ARHGAP20: variants seen among roughly 807,000 people sequenced by gnomAD.
The protein encoded by ARHGAP20 is rho GTPase-activating protein 20.
In ARHGAP20, 34 loss-of-function variants were observed where a neutral mutation model predicts 73.7. The ratio of observed to expected loss-of-function variants is 0.46; its 90% CI spans 0.35 to 0.61. The LOEUF (loss-of-function observed/expected upper bound fraction) is 0.61, where lower values mean the gene tolerates loss of function less well. ARHGAP20 is among the 20% of genes least tolerant of loss of function. The probability of loss-of-function intolerance (pLI) is 0.00; values close to 1 mark genes in which losing one functional copy is unlikely to be tolerated. For missense variants in ARHGAP20, 1,314 were observed against 1,420.9 expected, an observed-to-expected ratio of 0.92 and a Z score of 1.21; for synonymous variants, 523 against 518.2, an observed-to-expected ratio of 1.01 and a Z score of -0.13.
At chr11:110,688,958 A>C (rs1950188553) in intron 2 of ARHGAP20, among the ~76,000 whole-genome samples, 1 of 151,690 alleles carries the variant, frequency 6.6e-6, no homozygotes, top group Non-Finnish European at 1.5e-5. Flanking sequence ...TTGGATATAT[A>C]ACTTATTTTT....
chr11:110,583,852 C>G, intron 12 of ARHGAP20, 115 bp from the exon 13 acceptor site: 3 of 826,750 alleles, frequency 3.6e-6, no homozygotes, highest in Non-Finnish European at 5.2e-6. Flanking sequence ...TTCAGATATG[C>G]AAGAGTTTCA....
At chr11:110,612,919 C>A (rs549365430) in intron 6 of ARHGAP20, among the ~76,000 whole-genome samples, 3 of 152,182 alleles carry the variant, frequency 2.0e-5, no homozygotes, top group Non-Finnish European at 4.4e-5. Flanking sequence ...TGTCTGTCTT[C>A]TACCAGAGTG....
chr11:110,630,449 A>G (rs1283292938), intron 3 of ARHGAP20, among the ~76,000 whole-genome samples, 179 bp downstream of exon 3: 1 of 151,474 alleles, frequency 6.6e-6, no homozygotes, highest in African/African-American at 2.4e-5. Flanking sequence ...CTAAATAAAC[A>G]CTTGTTGAAA....
chr11:110,623,373 G>A (rs1261854150), intron 4 of ARHGAP20, among the ~76,000 whole-genome samples: 4 of 152,308 alleles, frequency 2.6e-5, no homozygotes, highest in Admixed American at 2.0e-4. Flanking sequence ...AATCACAGGT[G>A]TGATTGTGAT....
intron 2 of ARHGAP20, among the ~76,000 whole-genome samples, chr11:110,662,045 C>T (rs1270884306): frequency 2.0e-5 from 3 of 151,884 alleles, no homozygotes; most frequent in Admixed American, 6.6e-5. Flanking sequence ...AGAAAAGTAT[C>T]TCTATGTACT....
At position 110,611,135 on chromosome 11, in the gene ARHGAP20, C is replaced by A. The variant is rs568410043; in HGVS notation, c.708+174G>T. Among the ~76,000 whole-genome samples the A allele has an allele frequency of 2.6e-5, 4 of 151,858 alleles. No individual in the cohort carries two copies. In the South Asian group the frequency reaches 8.3e-4, roughly 32 times the overall value. On this transcript the variant is annotated intron_variant, in intron 7 of 14. Transcript: ENST00000683387. ...TTTTAAAATAGGAGAACAGCAGCAC[C>A]CATATATTAATCATATTAAAGCTTT...
intron 4 of ARHGAP20, among the ~76,000 whole-genome samples, chr11:110,621,108 C>G: frequency 7.2e-6 from 1 of 138,094 alleles, no homozygotes; most frequent in East Asian, 2.2e-4. Context: ...GCTCCACTGT[C>G]TTCTAACCTC....
Position 110,581,232 on chromosome 11 carries a change from A to C in ARHGAP20, c.1721-7T>G. The C allele has an allele frequency of 6.3e-7, 1 of 1,595,898 alleles. No individual in the cohort carries two copies. Among genetic ancestry groups the C allele is most frequent in the Non-Finnish European group, 8.5e-7 (1 of 1,171,328 alleles). ...AGTTGAAAGCAAGAAATATCTGTCA[A>C]AAAAATTAAACCATGATTAACATAT... is the stretch of plus-strand genomic sequence containing the variant. On this transcript the variant is annotated splice_polypyrimidine_tract_variant and splice_region_variant and intron_variant, in intron 14 of 14. Coordinates refer to ENST00000683387, the MANE Select transcript of ARHGAP20 (RefSeq NM_001384657.1).
At chr11:110,711,057 G>T (rs1950642008) in intron 1 of ARHGAP20, among the ~76,000 whole-genome samples, 1 of 151,482 alleles carries the variant, frequency 6.6e-6, no homozygotes, top group South Asian at 2.1e-4. Flanking sequence ...GGAAGCGGGG[G>T]TGGGGAGGCG....
intron 6 of ARHGAP20, among the ~76,000 whole-genome samples, chr11:110,612,736 C>T (rs1948397939): frequency 1.3e-5 from 2 of 152,154 alleles, no homozygotes; most frequent in Admixed American, 1.3e-4. Context: ...AGAATTTCTT[C>T]TCTATGAGTG....
intron 9 of ARHGAP20, among the ~76,000 whole-genome samples, chr11:110,598,735 C>T (rs1267130275): frequency 1.3e-5 from 2 of 152,210 alleles, no homozygotes; most frequent in African/African-American, 4.8e-5. Context: ...GCCAGGGCTG[C>T]AGGATTCATG....
intron 8 of ARHGAP20, among the ~76,000 whole-genome samples, chr11:110,608,046 T>C (rs575988324): frequency 3.5e-4 from 53 of 152,340 alleles, no homozygotes; most frequent in African/African-American, 1.3e-3. Context: ...TTCTGTATTC[T>C]AAATCTGAGC....
intron 3 of ARHGAP20, among the ~76,000 whole-genome samples, chr11:110,626,454 C>G (rs1020424487): frequency 3.9e-5 from 6 of 152,176 alleles, no homozygotes; most frequent in Non-Finnish European, 8.8e-5. Context: ...TTACCATATA[C>G]CATTGTTGTA....
intron 1 of ARHGAP20, among the ~76,000 whole-genome samples, chr11:110,700,375 T>G (rs902573283): frequency 1.5e-4 from 23 of 152,070 alleles, no homozygotes; most frequent in Admixed American, 7.2e-4. Flanking sequence ...AAATAAGTAA[T>G]CAAATTAACA....
At chr11:110,630,858 A>C (rs1243488728) in intron 2 of ARHGAP20, 66 bp from the exon 3 acceptor site, 1 of 1,527,518 alleles carries the variant, frequency 6.5e-7, no homozygotes, top group East Asian at 2.3e-5. Context: ...GAACTACAAA[A>C]TTCTGTAATT....
At chr11:110,641,653 G>A (rs1690109336) in intron 2 of ARHGAP20, among the ~76,000 whole-genome samples, 1 of 151,742 alleles carries the variant, frequency 6.6e-6, no homozygotes, top group African/African-American at 2.4e-5. Flanking sequence ...CTATTACCAT[G>A]CCACCACACT....
At chr11:110,653,086 A>T (rs1416754828) in intron 2 of ARHGAP20, among the ~76,000 whole-genome samples, 1 of 152,194 alleles carries the variant, frequency 6.6e-6, no homozygotes, top group Non-Finnish European at 1.5e-5. Flanking sequence ...TAGATTAAAG[A>T]CTTAAAATGT....
chr11:110,634,295 G>C (rs1948918301), intron 2 of ARHGAP20, among the ~76,000 whole-genome samples: 1 of 152,114 alleles, frequency 6.6e-6, no homozygotes, highest in African/African-American at 2.4e-5. Flanking sequence ...TTTAGCAGCT[G>C]AACACTAGAA....
At chr11:110,632,758 G>A (rs1456757961) in intron 2 of ARHGAP20, among the ~76,000 whole-genome samples, 1 of 152,052 alleles carries the variant, frequency 6.6e-6, no homozygotes, top group East Asian at 1.9e-4. Flanking sequence ...CGTTCTTACT[G>A]GCCATTTGCA....
Sources: allele counts gnomAD v4.1 joint callset (sites outside exome capture counted in the v4.1 genomes callset), GRCh38; gene constraint gnomAD v4.1.1; transcripts MANE v1.5; gene names NCBI Gene and HGNC (gene_info 2026-07-23, HGNC 2026-07-21).